Variants in XRCC5 observed in about 807,000 individuals in gnomAD.
XRCC5 encodes DNA repair protein Ku80.
A neutral mutation model predicts 95.7 loss-of-function variants in XRCC5; 12 were observed. The ratio of observed to expected loss-of-function variants is 0.13; its 90% CI spans 0.08 to 0.20. The LOEUF is 0.20. XRCC5 is among the 10% of genes least tolerant of loss of function. The pLI, the probability that XRCC5 is intolerant of heterozygous loss-of-function variation, is 1.00. For missense variants in XRCC5, 595 were observed against 873.9 expected (o/e 0.68, Z 4.02); for synonymous variants, 281 against 290.3 (o/e 0.97, Z 0.33).
chr2:216,120,182 G>A (rs1394004828), intron 5 of XRCC5, among the ~76,000 whole-genome samples: 1 of 152,204 alleles, frequency 6.6e-6, no homozygotes, highest in Admixed American at 6.5e-5. Context: ...GAGAAATTAA[G>A]TGCTTTTAAG....
At chr2:216,191,303 T>C (rs16855590) in intron 17 of XRCC5, among the ~76,000 whole-genome samples, 32,822 of 152,074 alleles carry the variant, frequency 0.22, 5,290 homozygotes, top group African/African-American at 0.46. Flanking sequence ...TTAAAAATAC[T>C]AGGTCACATT....
At chr2:216,177,343 A>G (rs1216404472) in intron 16 of XRCC5, among the ~76,000 whole-genome samples, 3 of 152,208 alleles carry the variant, frequency 2.0e-5, no homozygotes, top group East Asian at 1.9e-4. Flanking sequence ...TCACCTAGCT[A>G]AACCAGCTTG....
intron 6 of XRCC5, among the ~76,000 whole-genome samples, chr2:216,125,308 C>T (rs774272524): frequency 1.3e-5 from 2 of 151,990 alleles, no homozygotes; most frequent in Non-Finnish European, 2.9e-5. Context: ...AGTGATTCTC[C>T]TACCTCAGCC....
At chr2:216,159,387 G>C (rs1225941233) in intron 14 of XRCC5, among the ~76,000 whole-genome samples, 1 of 152,218 alleles carries the variant, frequency 6.6e-6, no homozygotes, top group Non-Finnish European at 1.5e-5. Context: ...CTTGAGGCAA[G>C]ATGTTTGATA....
chr2:216,116,763 C>T lies in XRCC5; in HGVS notation c.240C>T (p.His80=). 6.2e-7 allele frequency: 1 copy of T among 1,614,226 alleles called. No homozygotes were observed. Among genetic ancestry groups the T allele is most frequent in the East Asian group, 2.2e-5 (1 of 44,888 alleles). ...ATCAGTATCAGAACATCACAGTGCA[C>T]AGACATCTGATGCTACCAGATTTTG... ...GGDQYQNITV[H]RHLMLPDFDL... is the part of the protein sequence containing the mutation. The change falls in exon 3 of 21, where the codon CAC becomes CAT. Residue 80 remains histidine (H), a synonymous_variant. Coordinates refer to ENST00000392132, the MANE Select transcript of XRCC5 (RefSeq NM_021141.4).
Position 216,200,123 on chromosome 2 carries a change from A to G in XRCC5, c.2110-4199A>G, listed in dbSNP as rs2302892. Among the ~76,000 whole-genome samples the G allele has an allele frequency of 3.7e-4, 56 of 152,006 alleles. No homozygotes were observed. In the East Asian group the frequency reaches 8.9e-3, roughly 24 times the overall value. On this transcript the variant is annotated intron_variant, in intron 19 of 20. Transcript: ENST00000392132. ...GCCAGCAGAATTGACTGGAATCCAGACCCCCAGATGCCCGCTGTAGTCGCC... is the reference window on the plus strand; with the variant it reads ...GCCAGCAGAATTGACTGGAATCCAGGCCCCCAGATGCCCGCTGTAGTCGCC...
intron 16 of XRCC5, among the ~76,000 whole-genome samples, chr2:216,174,597 AAGAAAC>A (rs1689235907): frequency 6.6e-6 from 1 of 152,208 alleles, no homozygotes; most frequent in Non-Finnish European, 1.5e-5. Context: ...TGTAATGAAA[AAGAAAC>A]AGACAAAGCT....
At position 216,109,445 on chromosome 2, in the gene XRCC5, G is replaced by A; in HGVS notation, c.9G>A (p.Arg3=). The part of the protein sequence containing the change: MV[R]SGNKAAVVLC... ...GCCTGAGGACCGGCAACATGGTGCG[G>A]TCGGGGAATAAGGTATAAAGAAAGC... is the stretch of plus-strand genomic sequence containing the variant. Residue 3 remains arginine, a synonymous_variant, in exon 1 of 21, where the codon CGG becomes CGA. Coordinates refer to ENST00000392132, the MANE Select transcript of XRCC5 (RefSeq NM_021141.4). The A allele has an allele frequency of 6.2e-7, 1 of 1,614,108 alleles. No homozygotes were observed. Among genetic ancestry groups the A allele is most frequent in the South Asian group, 1.1e-5 (1 of 91,080 alleles).
rs1206538630 is a variant in XRCC5 at position 216,148,166 on chromosome 2, T to A, written c.1560T>A (p.Ala520=). ...QHIWNMLNPP[A]EVTTKSQIPL... ...TTTGGAATATGCTGAATCCTCCCGCTGAGGTGACAACAAAAAGTCAGATTC... is the reference window on the plus strand; with the variant it reads ...TTTGGAATATGCTGAATCCTCCCGCAGAGGTGACAACAAAAAGTCAGATTC... The change falls in exon 14 of 21, where the codon GCT becomes GCA. Residue 520 remains alanine (A), a synonymous_variant. Coordinates refer to ENST00000392132, the MANE Select transcript of XRCC5 (RefSeq NM_021141.4). 6.2e-7 allele frequency: 1 copy of A among 1,614,148 alleles called. No homozygotes were observed. Among genetic ancestry groups the A allele is most frequent in the Admixed American group, 1.7e-5 (1 of 60,006 alleles).
At chr2:216,202,364 GATA>G (rs1443505266) in intron 19 of XRCC5, among the ~76,000 whole-genome samples, 2 of 152,144 alleles carry the variant, frequency 1.3e-5, no homozygotes, top group African/African-American at 2.4e-5. Flanking sequence ...TAAAAAGTAT[GATA>G]ATAACCCGGA....
At chr2:216,152,941 C>T (rs1014435997) in intron 14 of XRCC5, among the ~76,000 whole-genome samples, 8 of 152,254 alleles carry the variant, frequency 5.3e-5, no homozygotes, top group African/African-American at 1.4e-4. Flanking sequence ...GCTTCTCCCT[C>T]GCTACCACTA....
intron 14 of XRCC5, among the ~76,000 whole-genome samples, chr2:216,157,952 C>T (rs1688878127): frequency 1.3e-5 from 2 of 152,088 alleles, no homozygotes; most frequent in East Asian, 1.9e-4. Context: ...TTAGTGTATG[C>T]AAAATTCCTA....
chr2:216,134,793 C>T (rs1271681374), intron 10 of XRCC5, among the ~76,000 whole-genome samples: 1 of 151,978 alleles, frequency 6.6e-6, no homozygotes, highest in Non-Finnish European at 1.5e-5. Flanking sequence ...ATAAAAACTT[C>T]AAACAAATTG....
intron 3 of XRCC5, chr2:216,117,272 C>A (rs1182995119): frequency 2.2e-5 from 4 of 180,830 alleles, no homozygotes; most frequent in Admixed American, 1.1e-4. Context: ...GATTGATACC[C>A]AAAGTGAGAT....
intron 2 of XRCC5, among the ~76,000 whole-genome samples, chr2:216,115,096 C>G (rs897930644): frequency 1.3e-5 from 2 of 152,198 alleles, no homozygotes; most frequent in African/African-American, 4.8e-5. Flanking sequence ...GTGTACTCTG[C>G]TTTCTCCAGT....
chr2:216,191,061 A>G (rs1268704122), intron 17 of XRCC5, among the ~76,000 whole-genome samples: 4 of 152,346 alleles, frequency 2.6e-5, no homozygotes, highest in East Asian at 1.9e-4. Context: ...TGGAAAAATC[A>G]TTAAAATTAG....
intron 13 of XRCC5, among the ~76,000 whole-genome samples, chr2:216,141,691 A>G (rs1164999689): frequency 6.6e-6 from 1 of 151,906 alleles, no homozygotes; most frequent in Non-Finnish European, 1.5e-5. Flanking sequence ...TTCCCGCCTC[A>G]GTCTCCTGAA....
rs562106161 is a variant in XRCC5 at position 216,116,943 on chromosome 2, A to G, written c.319+101A>G. 2.5e-4 allele frequency: 340 copies of G among 1,338,286 alleles called. 1 individual carries two copies. The African/African-American group carries it at 4.6e-3, about 18-fold the overall frequency. 82.9% of individuals were successfully genotyped at this position (1,338,286 alleles called of 1,614,324 possible). On this transcript the variant is annotated intron_variant, in intron 3 of 20. Coordinates refer to ENST00000392132, the MANE Select transcript of XRCC5 (RefSeq NM_021141.4). ...CCCCCAGAGTTTCAGCTATGAGTAT[A>G]TGGGTATATTTTGCTCTGAGGAGGG...
chr2:216,145,996 T>C (rs1688622969), intron 13 of XRCC5, among the ~76,000 whole-genome samples: 1 of 152,166 alleles, frequency 6.6e-6, no homozygotes, highest in Admixed American at 6.5e-5. Context: ...AATAAAGGAT[T>C]ATGCATAATA....
Sources: gnomAD v4.1 joint callset for allele counts (sites outside exome capture counted in the v4.1 genomes callset) on GRCh38, gnomAD v4.1.1 for gene constraint, MANE v1.5 for transcripts, NCBI Gene and HGNC (gene_info 2026-07-23, HGNC 2026-07-21) for gene names.